Variants in SYNM observed in about 807,000 individuals in gnomAD.
SYNM encodes desmuslin.
SYNM carries 95 observed loss-of-function variants against 104.0 expected under a neutral mutation model. The observed-to-expected ratio is 0.91, with a 90% confidence interval of 0.77 to 1.08. The LOEUF is 1.08. Ranked by LOEUF, SYNM falls within the 50% of genes least tolerant of loss-of-function variation. The probability of loss-of-function intolerance (pLI) is 0.00; values close to 1 mark genes in which losing one functional copy is unlikely to be tolerated. For synonymous variants in SYNM, 918 were observed against 869.0 expected (o/e 1.06, Z -0.99); for missense variants, 2,150 against 2,052.2 (o/e 1.05, Z -0.92).
Position 99,130,358 on chromosome 15 carries a change from A to G in SYNM, c.1998A>G (p.Thr666=). 1 of 1,613,788 alleles carries G rather than the reference A, an allele frequency of 6.2e-7. No individual in the cohort carries two copies. The highest frequency in any genetic ancestry group is 2.2e-5 in the East Asian group (1 of 44,888). ...CATCTGCTGATTCTTTTCCAGACAC[A>G]AAAGTCACTTACGTGGACAGGAAAG... is the stretch of plus-strand genomic sequence containing the variant. ...TEASADSFPD[T]KVTYVDRKEL... Residue 666 remains threonine (T), a synonymous_variant, in exon 4 of 4, where the codon ACA becomes ACG. Coordinates refer to ENST00000336292, the MANE Select transcript of SYNM (RefSeq NM_145728.3).
chr15:99,126,668 C>T, intron 2 of SYNM, 54 bp from the exon 3 acceptor site: 6 of 1,482,734 alleles, frequency 4.0e-6, no homozygotes, highest in Non-Finnish European at 5.5e-6. Flanking sequence ...TTATTAGAGG[C>T]ACTTCTTACT....
At position 99,105,943 on chromosome 15, in the gene SYNM, C is replaced by G. The variant is rs1733556712; in HGVS notation, c.744C>G (p.Arg248=). The G allele has an allele frequency of 2.0e-6, 3 of 1,523,058 alleles. No homozygotes were observed. Among genetic ancestry groups the G allele is most frequent in the African/African-American group, 2.8e-5 (2 of 71,148 alleles). The allele number at this position is 1,523,058 out of a possible 1,614,324, so 94.3% of individuals were successfully genotyped here. Residue 248 remains arginine (R), a synonymous_variant, in exon 1 of 4, where the codon CGC becomes CGG. Coordinates refer to ENST00000336292, the MANE Select transcript of SYNM (RefSeq NM_145728.3). ...RREALGLEQL[R]ARLEDALLRM... Reference sequence around the variant, plus strand: ...AGGCGCTCGGGTTGGAGCAGCTGCGCGCGCGGCTGGAGGACGCGCTGCTGC... The same window carrying G: ...AGGCGCTCGGGTTGGAGCAGCTGCGGGCGCGGCTGGAGGACGCGCTGCTGC...
In SYNM at chr15:99,135,029, G is replaced by C. The variant is rs928353694; in HGVS notation, c.*1971G>C. 6.6e-6 allele frequency: 1 copy of C among 152,378 alleles called. No homozygotes were observed. The highest frequency in any genetic ancestry group is 2.4e-5 in the African/African-American group (1 of 41,454). 9.4% of individuals were successfully genotyped at this position (152,378 alleles called of 1,614,324 possible). ...GGTGACAGCCTCCTGTCTGATGACA[G>C]GACAGACTGGTGGTGAGGAGTCTAA... On this transcript the variant is annotated 3_prime_UTR_variant, in exon 4 of 4. Coordinates refer to ENST00000336292, the MANE Select transcript of SYNM (RefSeq NM_145728.3).
Position 99,123,658 on chromosome 15 carries a change from A to C in SYNM, c.936-3064A>C, listed in dbSNP as rs74438334. Among the ~76,000 whole-genome samples, 1,414 of 152,234 alleles carry C rather than the reference A, an allele frequency of 9.3e-3. 22 individuals are homozygous for C. The highest frequency in any genetic ancestry group is 0.033 in the African/African-American group (1,365 of 41,536). On this transcript the variant is annotated intron_variant, in intron 2 of 3. Transcript: ENST00000336292. ...TCTGCGGCTCCTTCTCCAGCTCCGG[A>C]GCCTCCCTTTCTTCTCTGCACTTCT...
In SYNM at chr15:99,129,764, C is replaced by T. The variant is rs1555485457; in HGVS notation, c.1404C>T (p.Ala468=). The T allele has an allele frequency of 1.2e-6, 2 of 1,613,566 alleles. No individual in the cohort carries two copies. The highest frequency in any genetic ancestry group is 1.7e-6 in the Non-Finnish European group (2 of 1,179,826). The change falls in exon 4 of 4, where the codon GCC becomes GCT. Residue 468 remains alanine (A), a synonymous_variant. Coordinates refer to ENST00000336292, the MANE Select transcript of SYNM (RefSeq NM_145728.3). ...PVYIGEDSTI[A]RESYRDRRDK... is the part of the protein sequence containing the mutation. ...ACATAGGTGAAGATTCCACAATTGC[C>T]CGCGAGTCGTACCGGGATCGCCGAG...
In SYNM at chr15:99,134,979, G is replaced by A. The variant is rs568617482; in HGVS notation, c.*1921G>A. The A allele has an allele frequency of 6.6e-6, 1 of 152,408 alleles. No individual in the cohort carries two copies. The highest frequency in any genetic ancestry group is 6.5e-5 in the Admixed American group (1 of 15,310). 9.4% of individuals were successfully genotyped at this position (152,408 alleles called of 1,614,324 possible). ...AACAGGTAATGGTTTTTGGATAGAT[G>A]ATTGACTGGTGAGAATTTGGTCAAG... On this transcript the variant is annotated 3_prime_UTR_variant, in exon 4 of 4. Coordinates refer to ENST00000336292, the MANE Select transcript of SYNM (RefSeq NM_145728.3).
At chr15:99,116,341 G>A (rs1242623269) in intron 2 of SYNM, among the ~76,000 whole-genome samples, 2 of 152,192 alleles carry the variant, frequency 1.3e-5, no homozygotes, top group East Asian at 1.9e-4. Flanking sequence ...TTATTTGGGG[G>A]AAGAAAGCAT....
chr15:99,117,761 C>T (rs951444473), intron 2 of SYNM, among the ~76,000 whole-genome samples: 12 of 98,484 alleles, frequency 1.2e-4, no homozygotes, highest in Admixed American at 3.0e-4. Context: ...TCACAAGCCA[C>T]GGGGCCTGCC....
rs2067531160 is a variant in SYNM, at chr15:99,133,131, A to G, written c.*73A>G. 6.3e-7 allele frequency: 1 copy of G among 1,579,598 alleles called. No homozygotes were observed. Among genetic ancestry groups the G allele is most frequent in the Non-Finnish European group, 8.5e-7 (1 of 1,169,840 alleles). On this transcript the variant is annotated 3_prime_UTR_variant, in exon 4 of 4. Coordinates refer to ENST00000336292, the MANE Select transcript of SYNM (RefSeq NM_145728.3). ...ACATCCAAAGGCCTTAACTTATTTT[A>G]AGAGGCCGAGGGAGTCTATGAAAAT...
At chr15:99,118,331 T>C (rs943104738) in intron 2 of SYNM, among the ~76,000 whole-genome samples, 7 of 152,240 alleles carry the variant, frequency 4.6e-5, no homozygotes, top group Admixed American at 3.3e-4. Context: ...CTGTTTGTGT[T>C]CGTGGACTTG....
chr15:99,132,257 A>G lies in SYNM; in HGVS notation c.3897A>G (p.Glu1299=), dbSNP rs781880198. The change falls in exon 4 of 4, where the codon GAA becomes GAG. Residue 1299 remains glutamate (E), a synonymous_variant. Coordinates refer to ENST00000336292, the MANE Select transcript of SYNM (RefSeq NM_145728.3). ...LGVIGDSVHM[E]GLPGSSTSIR... is the part of the protein sequence containing the mutation. ...TCATAGGAGATTCTGTACACATGGA[A>G]GGGTTGCCAGGGAGCAGCACATCCA... 1.9e-6 allele frequency: 3 copies of G among 1,608,268 alleles called. No homozygotes were observed. In the East Asian group the frequency reaches 6.7e-5, roughly 36 times the overall value.
At chr15:99,120,307 G>C (rs1346216607) in intron 2 of SYNM, among the ~76,000 whole-genome samples, 2 of 152,172 alleles carry the variant, frequency 1.3e-5, no homozygotes, top group Non-Finnish European at 2.9e-5. Context: ...TGGGAGGGAG[G>C]CTGATGAGGC....
At chr15:99,125,309 CAG>C (rs2067436747) in intron 2 of SYNM, among the ~76,000 whole-genome samples, 1 of 152,266 alleles carries the variant, frequency 6.6e-6, no homozygotes, top group African/African-American at 2.4e-5. Flanking sequence ...ATATAGACCT[CAG>C]AACTTTCTCA....
rs782652806 is a variant in SYNM at position 99,105,768 on chromosome 15, T to C, written c.569T>C (p.Leu190Pro). The C allele has an allele frequency of 4.5e-6, 7 of 1,540,316 alleles. No homozygotes were observed. The highest frequency in any genetic ancestry group is 1.4e-5 in the African/African-American group (1 of 71,298). Reference protein sequence around the residue: ...LREVHDSYALLVAESWRETVQ... With the variant: ...LREVHDSYALPVAESWRETVQ... The stretch of plus-strand genomic sequence containing the variant: ...GAGGTGCACGACAGCTACGCACTGC[T>C]GGTGGCCGAGTCGTGGCGGGAGACG... The change falls in exon 1 of 4, where the codon CTG becomes CCG. Residue 190 changes from leucine to proline, a missense_variant. Coordinates refer to ENST00000336292, the MANE Select transcript of SYNM (RefSeq NM_145728.3).
At position 99,105,701 on chromosome 15, in the gene SYNM, G is replaced by T. The variant is rs1434607026; in HGVS notation, c.502G>T (p.Ala168Ser). 4.0e-6 allele frequency: 6 copies of T among 1,487,446 alleles called. No individual in the cohort carries two copies. The highest frequency in any genetic ancestry group is 2.9e-5 in the African/African-American group (2 of 67,994). The allele number at this position is 1,487,446 out of a possible 1,614,324, so 92.1% of individuals were successfully genotyped here. Residue 168 changes from alanine (A) to serine (S), a missense_variant, in exon 1 of 4, where the codon GCC (alanine) becomes TCC (serine). By Grantham distance (99) the Ala-to-Ser change is moderately conservative. Transcript: ENST00000336292. ...RAASLTMHFR[A>S]RATGPAAPPP... ...CGCCAGCCTTACCATGCATTTCCGC[G>T]CCCGCGCCACCGGCCCCGCCGCGCC...
At chr15:99,124,229 G>A (rs782184944) in intron 2 of SYNM, among the ~76,000 whole-genome samples, 10 of 152,212 alleles carry the variant, frequency 6.6e-5, no homozygotes, top group African/African-American at 9.7e-5. Context: ...AAAGTGGTAC[G>A]AACCTATTCC....
In SYNM at chr15:99,131,121, A is replaced by T; in HGVS notation, c.2761A>T (p.Thr921Ser). 3 of 1,600,462 alleles carry T rather than the reference A, an allele frequency of 1.9e-6. No homozygotes were observed. Among genetic ancestry groups the T allele is most frequent in the Non-Finnish European group, 2.6e-6 (3 of 1,173,338 alleles). The change falls in exon 4 of 4, where the codon ACA (threonine) becomes TCA (serine). Residue 921 changes from threonine to serine, a missense_variant. Physicochemically the swap from Thr to Ser is moderately conservative, Grantham distance 58. Transcript: ENST00000336292. This position sits in a 1 kb window ranked among gnomAD's most constrained non-coding sequence, Gnocchi z 4.3. ...ARSGEFHAEP[T>S]VIEKEIKIPH... ...AAGCGGTGAATTTCATGCCGAACCC[A>T]CAGTCATTGAAAAAGAAATTAAAAT...
chr15:99,128,298 CGGTG>C (rs1438780087), intron 3 of SYNM, among the ~76,000 whole-genome samples: 1 of 152,144 alleles, frequency 6.6e-6, no homozygotes, highest in Admixed American at 6.5e-5. Flanking sequence ...GCCCGCTAGC[CGGTG>C]GACCTAAACC....
At position 99,107,476 on chromosome 15, in the gene SYNM, CAG is replaced by C. The variant is rs1336903073; in HGVS notation, c.810+1468_810+1469del. ...TTGTAGGGAACCCTCGCTACCAACT[CAG>C]GGGTCTGTGCTGTGCAGGCAGGTTT... On this transcript the variant is annotated intron_variant, in intron 1 of 3. Transcript: ENST00000336292. 2.6e-5 allele frequency among the ~76,000 whole-genome samples: 4 copies of C among 152,364 alleles called. No homozygotes were observed. In the South Asian group the frequency reaches 6.2e-4, roughly 24 times the overall value.
Sources: allele counts gnomAD v4.1 joint callset (sites outside exome capture counted in the v4.1 genomes callset), GRCh38; gene constraint gnomAD v4.1.1; non-coding constraint Gnocchi (gnomAD v3.1); transcripts MANE v1.5; gene names NCBI Gene and HGNC (gene_info 2026-07-23, HGNC 2026-07-21).